The following ALPK2 variants were observed in gnomAD, a reference collection of about 807,000 sequenced individuals.
ALPK2 encodes the protein alpha kinase 2.
A neutral mutation model predicts 163.1 loss-of-function variants in ALPK2; 127 were observed. The ratio of observed to expected loss-of-function variants is 0.78; its 90% CI spans 0.67 to 0.90. The LOEUF (loss-of-function observed/expected upper bound fraction) is 0.90. Among genes scored for constraint, ALPK2 ranks in the 40% least tolerant of loss-of-function variants. ALPK2 has a pLI of 0.00. For missense variants in ALPK2, 2,360 were observed against 2,589.6 expected (o/e 0.91, Z 1.92); for synonymous variants, 953 against 959.1 (o/e 0.99, Z 0.12).
Position 58,588,704 on chromosome 18 carries a change from T to A in ALPK2, c.228-8156A>T, listed in dbSNP as rs1276351393. Among the ~76,000 whole-genome samples, 3 of 152,166 alleles carry A rather than the reference T, an allele frequency of 2.0e-5. No homozygotes were observed. The East Asian group carries it at 5.8e-4, about 29-fold the overall frequency. On this transcript the variant is annotated intron_variant, in intron 3 of 12. Transcript: ENST00000361673. ...TGTGGTTTTTGGTTTTCTGTTCCTG[T>A]ATTAGTTTGCTGAGGATAATGGCTT...
chr18:58,501,600 A>T (rs181992991), intron 11 of ALPK2, among the ~76,000 whole-genome samples: 4 of 152,334 alleles, frequency 2.6e-5, no homozygotes, highest in Admixed American at 1.3e-4. Context: ...ATATCTTGCA[A>T]ATTTGCTAAA....
chr18:58,616,913 G>A (rs2052172743), intron 1 of ALPK2, among the ~76,000 whole-genome samples: 1 of 152,186 alleles, frequency 6.6e-6, no homozygotes, highest in South Asian at 2.1e-4. Flanking sequence ...GGCTTGGGGG[G>A]TGGGTGAGGA....
At chr18:58,613,340 G>A (rs1314106303) in intron 1 of ALPK2, among the ~76,000 whole-genome samples, 1 of 152,098 alleles carries the variant, frequency 6.6e-6, no homozygotes, top group Admixed American at 6.5e-5. Context: ...ATGAAAATGA[G>A]GGGTTCTTTG....
intron 4 of ALPK2, among the ~76,000 whole-genome samples, chr18:58,546,409 G>T (rs1477296557): frequency 1.3e-5 from 2 of 152,148 alleles, no homozygotes; most frequent in African/African-American, 4.8e-5. Context: ...TCTTTGCCTG[G>T]TGACATGGTA....
intron 4 of ALPK2, among the ~76,000 whole-genome samples, chr18:58,554,005 G>A (rs753694135): frequency 1.9e-4 from 29 of 151,930 alleles, no homozygotes; most frequent in Non-Finnish European, 3.4e-4. Flanking sequence ...GGGAATACAG[G>A]TGTGCGCCAC....
chr18:58,571,400 C>A (rs759824125), intron 4 of ALPK2, among the ~76,000 whole-genome samples: 44 of 142,234 alleles, frequency 3.1e-4, no homozygotes, highest in Non-Finnish European at 5.9e-4. Flanking sequence ...ATCAATAAGT[C>A]GTGCTAGAAA....
rs751623043 is a variant in ALPK2 at position 58,535,438 on chromosome 18, A to G, written c.4749T>C (p.Pro1583=). Residue 1583 remains proline, a synonymous_variant, in exon 5 of 13, where the codon CCT becomes CCC. Transcript: ENST00000361673. ...CAATAGTTCCCCTTTTCTGTGAAACAGGAAACACATACTGACGCTTTCTGG... is the reference window on the plus strand; with the variant it reads ...CAATAGTTCCCCTTTTCTGTGAAACGGGAAACACATACTGACGCTTTCTGG... The part of the protein sequence containing the change: ...VEPRKRQYVF[P]VSQKRGTIEN... 4.3e-6 allele frequency: 7 copies of G among 1,614,108 alleles called. No homozygotes were observed. In the Admixed American group the frequency reaches 1.2e-4, roughly 27 times the overall value.
intron 11 of ALPK2, 94 bp downstream of exon 11, chr18:58,503,837 G>A (rs1271608617): frequency 2.6e-6 from 3 of 1,170,876 alleles, no homozygotes; most frequent in Admixed American, 4.1e-5. Flanking sequence ...TACCCAGCAG[G>A]CCTATCCTTC....
chr18:58,614,781 T>C (rs966947395), intron 1 of ALPK2, among the ~76,000 whole-genome samples: 1 of 152,130 alleles, frequency 6.6e-6, no homozygotes, highest in Admixed American at 6.5e-5. Context: ...CTCATTTAAG[T>C]TGTACAATTC....
intron 4 of ALPK2, among the ~76,000 whole-genome samples, chr18:58,548,203 G>A (rs1159210344): frequency 6.6e-6 from 1 of 152,126 alleles, no homozygotes; most frequent in African/African-American, 2.4e-5. Context: ...TGCCTCAGAT[G>A]CTCATACCAA....
chr18:58,528,964 G>A, intron 6 of ALPK2, 127 bp downstream of exon 6: 1 of 1,114,516 alleles, frequency 9.0e-7, no homozygotes, highest in Admixed American at 2.0e-5. Flanking sequence ...TTAATATTGT[G>A]GATGTGGAAT....
rs754145269 is a variant in ALPK2 at position 58,536,650 on chromosome 18, A to G, written c.3537T>C (p.Ser1179=). The G allele has an allele frequency of 6.2e-7, 1 of 1,613,778 alleles. No individual in the cohort carries two copies. The highest frequency in any genetic ancestry group is 1.1e-5 in the South Asian group (1 of 91,068). ...CTGAGCGCTGCCCTGCTCCTTCCCTAGAGCTTGCGGGTGAGTGGGCCGTGG... is the reference window on the plus strand; with the variant it reads ...CTGAGCGCTGCCCTGCTCCTTCCCTGGAGCTTGCGGGTGAGTGGGCCGTGG... ...LVPTAHSPAS[S]REGAGQRSGW... is the part of the protein sequence containing the mutation. The change falls in exon 5 of 13, where the codon TCT becomes TCC. Residue 1179 remains serine, a synonymous_variant. Transcript: ENST00000361673.
At chr18:58,566,287 T>C (rs2051852646) in intron 4 of ALPK2, among the ~76,000 whole-genome samples, 1 of 152,252 alleles carries the variant, frequency 6.6e-6, no homozygotes, top group South Asian at 2.1e-4. Flanking sequence ...TCCCTACAAG[T>C]TGAAAGACTA....
intron 2 of ALPK2, among the ~76,000 whole-genome samples, chr18:58,610,679 C>G (rs185403843): frequency 2.6e-5 from 4 of 152,194 alleles, no homozygotes; most frequent in Non-Finnish European, 5.9e-5. Flanking sequence ...CGGTGGCTCA[C>G]GCCTGTAATT....
At chr18:58,563,420 G>T (rs1030455888) in intron 4 of ALPK2, among the ~76,000 whole-genome samples, 1 of 152,204 alleles carries the variant, frequency 6.6e-6, no homozygotes, top group Non-Finnish European at 1.5e-5. Flanking sequence ...TTAAAACCAT[G>T]AAATGTATTG....
chr18:58,576,084 G>A (rs571411179), intron 4 of ALPK2, among the ~76,000 whole-genome samples: 2 of 152,284 alleles, frequency 1.3e-5, no homozygotes, highest in South Asian at 2.1e-4. Context: ...TCAAGAATGG[G>A]CAAATTTGAC....
intron 4 of ALPK2, among the ~76,000 whole-genome samples, chr18:58,564,120 G>GTTTTTTT (rs1555672429): frequency 2.3e-5 from 1 of 42,856 alleles, no homozygotes; most frequent in Non-Finnish European, 3.9e-5. Flanking sequence ...TGATGTCTTT[G>GTTTTTTT]TTCTTTTTTT....
intron 12 of ALPK2, among the ~76,000 whole-genome samples, chr18:58,495,741 C>T (rs1252426776): frequency 2.0e-5 from 3 of 152,126 alleles, no homozygotes; most frequent in Non-Finnish European, 2.9e-5. Context: ...ACATGAGGAG[C>T]GAAGGGAAAC....
chr18:58,605,916 C>G (rs148245047), intron 3 of ALPK2, among the ~76,000 whole-genome samples: 1 of 152,110 alleles, frequency 6.6e-6, no homozygotes, highest in Non-Finnish European at 1.5e-5. Context: ...CCATCTCTAG[C>G]GTTAAGCAAA....
Sources: gnomAD v4.1 joint callset for allele counts (sites outside exome capture counted in the v4.1 genomes callset) on GRCh38, gnomAD v4.1.1 for gene constraint, MANE v1.5 for transcripts, NCBI Gene and HGNC (gene_info 2026-07-23, HGNC 2026-07-21) for gene names.